KALRN: variants seen among roughly 807,000 people sequenced by gnomAD.
KALRN encodes the protein kalirin RhoGEF kinase.
In KALRN, 70 loss-of-function variants were observed where a neutral mutation model predicts 353.7. The ratio of observed to expected loss-of-function variants is 0.20; its 90% CI spans 0.16 to 0.24. KALRN has a LOEUF of 0.24. Ranked by LOEUF, KALRN falls within the 10% of genes least tolerant of loss-of-function variation. The pLI is 1.00. For synonymous variants in KALRN, 1,391 were observed against 1,434.8 expected, an observed-to-expected ratio of 0.97 and a Z score of 0.69; for missense variants, 2,791 against 3,756.7, an observed-to-expected ratio of 0.74 and a Z score of 6.72.
intron 4 of KALRN, 44 bp from the exon 5 acceptor site, chr3:124,268,699 C>A: frequency 6.3e-7 from 1 of 1,597,740 alleles, no homozygotes; most frequent in South Asian, 1.1e-5. Flanking sequence ...CCTGTTCTTC[C>A]CCTGACATCA....
chr3:124,559,034 G>T (rs141260613), intron 33 of KALRN, among the ~76,000 whole-genome samples: 1 of 152,268 alleles, frequency 6.6e-6, no homozygotes, highest in Non-Finnish European at 1.5e-5. Context: ...TGTAAAAATA[G>T]ACCTAAATGA....
chr3:124,575,910 C>T (rs1056024311), intron 34 of KALRN, among the ~76,000 whole-genome samples: 7 of 152,138 alleles, frequency 4.6e-5, no homozygotes, highest in African/African-American at 1.7e-4. Flanking sequence ...TATAAGGTAA[C>T]ATATTTATAG....
intron 33 of KALRN, among the ~76,000 whole-genome samples, chr3:124,505,854 C>T (rs1345500481): frequency 6.6e-6 from 1 of 152,146 alleles, no homozygotes; most frequent in Non-Finnish European, 1.5e-5. Context: ...GTTGACCAGA[C>T]AAGTGGGAAA....
At chr3:124,114,819 G>T (rs1207357846) in intron 1 of KALRN, among the ~76,000 whole-genome samples, 2 of 152,218 alleles carry the variant, frequency 1.3e-5, no homozygotes, top group African/African-American at 2.4e-5. Context: ...GATTGCCTCT[G>T]TTAATGGGAT....
chr3:124,061,290 G>A (rs1441122878), intron 1 of KALRN, among the ~76,000 whole-genome samples: 2 of 152,298 alleles, frequency 1.3e-5, no homozygotes, highest in African/African-American at 4.8e-5. Flanking sequence ...CAGGCTTCAT[G>A]CTGAGTGCTT....
intron 28 of KALRN, among the ~76,000 whole-genome samples, chr3:124,487,209 A>T (rs149313324): frequency 2.0e-5 from 3 of 152,206 alleles, no homozygotes; most frequent in Admixed American, 2.0e-4. Flanking sequence ...TGAAAAGCCA[A>T]CATTCTTCTG....
intron 9 of KALRN, among the ~76,000 whole-genome samples, chr3:124,342,635 A>G (rs2081878499): frequency 6.6e-6 from 1 of 152,208 alleles, no homozygotes; most frequent in Admixed American, 6.5e-5. Flanking sequence ...ATTCAGCTAG[A>G]TTAACAATTT....
At position 124,334,437 on chromosome 3, in the gene KALRN, G is replaced by A. The variant is rs745583948; in HGVS notation, c.1589G>A (p.Arg530His). 7 of 1,613,944 alleles carry A rather than the reference G, an allele frequency of 4.3e-6. No individual in the cohort carries two copies. The highest frequency in any genetic ancestry group is 1.7e-5 in the Admixed American group (1 of 60,010). ...QRRLESIWQH[R>H]KVRLHQRLQL... is the part of the protein sequence containing the mutation. ...CGGCTGGAGAGCATCTGGCAGCACC[G>A]CAAGGTGCGGCTCCACCAGCGGCTG... Residue 530 changes from arginine to histidine, a missense_variant, in exon 9 of 60, where the codon CGC becomes CAC. This residue lies in a region of KALRN where 366 missense variants were observed against 489.2 expected (regional missense o/e 0.75). Transcript: ENST00000682506. The surrounding 1 kb of genome is among the most constrained non-coding windows in gnomAD (Gnocchi z 4.2).
intron 58 of KALRN, among the ~76,000 whole-genome samples, chr3:124,714,068 A>G (rs1449070894): frequency 7.5e-6 from 1 of 134,220 alleles, no homozygotes; most frequent in Non-Finnish European, 1.5e-5. Context: ...TTTTAAAATC[A>G]GCTGGAAAAA....
intron 1 of KALRN, among the ~76,000 whole-genome samples, chr3:124,177,710 T>C (rs1289064253): frequency 6.6e-6 from 1 of 152,166 alleles, no homozygotes; most frequent in Admixed American, 6.5e-5. Context: ...TCAGAAGCTT[T>C]GGTAGGGGTC....
At chr3:124,303,309 C>A (rs532484901) in intron 6 of KALRN, among the ~76,000 whole-genome samples, 1 of 152,296 alleles carries the variant, frequency 6.6e-6, no homozygotes, top group African/African-American at 2.4e-5. Context: ...GTAATAATAA[C>A]AACAACCCAC....
intron 1 of KALRN, among the ~76,000 whole-genome samples, chr3:124,126,116 G>T (rs2064634110): frequency 6.6e-6 from 1 of 151,990 alleles, no homozygotes; most frequent in Admixed American, 6.6e-5. Context: ...AGAGAATCAT[G>T]GTTTTGTGAA....
chr3:124,282,608 C>G (rs569498183), intron 5 of KALRN, among the ~76,000 whole-genome samples: 1 of 152,062 alleles, frequency 6.6e-6, no homozygotes, highest in African/African-American at 2.4e-5. Context: ...AACTACCAAC[C>G]TCAGGTGATC....
chr3:124,701,348 C>T (rs1161041503), intron 56 of KALRN, among the ~76,000 whole-genome samples: 3 of 150,768 alleles, frequency 2.0e-5, no homozygotes, highest in Non-Finnish European at 2.9e-5. Flanking sequence ...CTGAGAAGAG[C>T]GGGATAAGAA....
In KALRN at chr3:124,426,816, C is replaced by T. The variant is rs149725778; in HGVS notation, c.2709+3838C>T. On this transcript the variant is annotated intron_variant, in intron 15 of 59. Coordinates refer to ENST00000682506, the MANE Select transcript of KALRN (RefSeq NM_001388419.1). Reference sequence around the variant, plus strand: ...TACTACTATGGTGAAGATGACCTCACATCTATTAGACAATTCAGAAAGATT... The same window carrying T: ...TACTACTATGGTGAAGATGACCTCATATCTATTAGACAATTCAGAAAGATT... Among the ~76,000 whole-genome samples, 996 of 152,308 alleles carry T rather than the reference C, an allele frequency of 6.5e-3. 6 individuals are homozygous for T. The highest frequency in any genetic ancestry group is 0.01 in the Non-Finnish European group (692 of 68,036).
At chr3:124,436,563 A>G (rs1241022042) in intron 17 of KALRN, among the ~76,000 whole-genome samples, 1 of 149,750 alleles carries the variant, frequency 6.7e-6, no homozygotes, top group African/African-American at 2.5e-5. Context: ...ATGGGACTGG[A>G]GAAGTCACCT....
At chr3:124,040,355 A>G (rs889511741) in intron 1 of KALRN, among the ~76,000 whole-genome samples, 2 of 152,184 alleles carry the variant, frequency 1.3e-5, no homozygotes, top group African/African-American at 2.4e-5. Flanking sequence ...GGTGGTCAGT[A>G]TGGTATAGCC....
intron 1 of KALRN, among the ~76,000 whole-genome samples, chr3:124,191,975 C>T (rs929683971): frequency 2.6e-5 from 4 of 152,198 alleles, no homozygotes; most frequent in Non-Finnish European, 4.4e-5. Flanking sequence ...CAGATCAAAC[C>T]ATATCTCCAG....
chr3:124,292,267 G>A (rs2149151993), intron 5 of KALRN, among the ~76,000 whole-genome samples: 1 of 152,206 alleles, frequency 6.6e-6, no homozygotes, highest in Admixed American at 6.5e-5. Context: ...TCATCCCTGG[G>A]CCATGTTCAC....
Sources: gnomAD v4.1 joint callset for allele counts (sites outside exome capture counted in the v4.1 genomes callset) on GRCh38, gnomAD v4.1.1 for gene constraint, gnomAD v4.1.1 regional missense constraint, Gnocchi (gnomAD v3.1) non-coding constraint, MANE v1.5 for transcripts, NCBI Gene and HGNC (gene_info 2026-07-23, HGNC 2026-07-21) for gene names.